E2F8: variants seen among roughly 807,000 people sequenced by gnomAD.
E2F8 encodes the protein E2F transcription factor 8, also known as transcription factor E2F8.
E2F8 carries 35 observed loss-of-function variants against 80.8 expected under a neutral mutation model. The observed-to-expected ratio is 0.43, with a 90% CI of 0.33 to 0.57. The LOEUF is 0.57. Among genes scored for constraint, E2F8 ranks in the 20% least tolerant of loss-of-function variants. The pLI is 0.04. For synonymous variants in E2F8, 386 were observed against 395.0 expected (o/e 0.98, Z 0.27); for missense variants, 975 against 1,056.2 (o/e 0.92, Z 1.07).
chr11:19,233,302 G>C (rs915109770), intron 6 of E2F8, among the ~76,000 whole-genome samples: 4 of 152,116 alleles, frequency 2.6e-5, no homozygotes, highest in African/African-American at 9.7e-5. Context: ...TCCCAATTTT[G>C]AGCAGGTAAT....
At chr11:19,230,072 C>T (rs1009173607) in intron 9 of E2F8, 84 bp from the exon 10 acceptor site, 37 of 1,557,886 alleles carry the variant, frequency 2.4e-5, no homozygotes, top group Non-Finnish European at 3.1e-5. Flanking sequence ...ATATTGAAGC[C>T]ACGCTTTTAT....
In E2F8 at chr11:19,224,808, T is replaced by C. The variant is rs1238638966; in HGVS notation, c.2454A>G (p.Leu818=). The change falls in exon 13 of 13, where the codon TTA becomes TTG. Residue 818 remains leucine, a synonymous_variant. Transcript: ENST00000250024. ...PVPVTPKGSQ[L]VAESFFRTPG... is the part of the protein sequence containing the mutation. ...GGGTACGGAAGAAACTTTCGGCCAC[T>C]AATTGTGACCCTTTGGGTGTCACAG... is the stretch of plus-strand genomic sequence containing the variant. The C allele has an allele frequency of 1.2e-6, 2 of 1,614,090 alleles. No homozygotes were observed. The highest frequency in any genetic ancestry group is 2.7e-5 in the African/African-American group (2 of 74,930).
intron 8 of E2F8, 23 bp from the exon 9 acceptor site, chr11:19,230,351 A>G: frequency 6.2e-7 from 1 of 1,603,966 alleles, no homozygotes; most frequent in Non-Finnish European, 8.5e-7. Context: ...AAAGGAAGAG[A>G]GCACCGGTCA....
rs1331134704 is a variant in E2F8 at position 19,224,822 on chromosome 11, T to C, written c.2440A>G (p.Lys814Glu). The C allele has an allele frequency of 6.2e-7, 1 of 1,614,200 alleles. No individual in the cohort carries two copies. Among genetic ancestry groups the C allele is most frequent in the African/African-American group, 1.3e-5 (1 of 75,048 alleles). ...CTTTCGGCCACTAATTGTGACCCTTTGGGTGTCACAGGAACAGGCTGATTG... is the reference window on the plus strand; with the variant it reads ...CTTTCGGCCACTAATTGTGACCCTTCGGGTGTCACAGGAACAGGCTGATTG... ...GAQQPVPVTP[K>E]GSQLVAESFF... The change falls in exon 13 of 13, where the codon AAA (lysine) becomes GAA (glutamate). Residue 814 changes from lysine (K) to glutamate (E), a missense_variant. Lys to Glu is a moderately conservative substitution (Grantham distance 56, BLOSUM62 1). Coordinates refer to ENST00000250024, the MANE Select transcript of E2F8 (RefSeq NM_024680.4).
Position 19,237,334 on chromosome 11 carries a change from T to C in E2F8, c.431A>G (p.Asp144Gly). ...CTTACTAAGTTCCTCTGCCACTTCG[T>C]CAAGGCAGATGTCATTATTCACAGC... ...NPAVNNDICL[D>G]EVAEELNVER... Residue 144 changes from aspartate (D) to glycine (G), a missense_variant, in exon 4 of 13, where the codon GAC (aspartate) becomes GGC (glycine). Transcript: ENST00000250024. 1 of 1,614,098 alleles carries C rather than the reference T, an allele frequency of 6.2e-7. No homozygotes were observed. Among genetic ancestry groups the C allele is most frequent in the Non-Finnish European group, 8.5e-7 (1 of 1,179,990 alleles).
chr11:19,228,855 G>A (rs369461773), intron 10 of E2F8, among the ~76,000 whole-genome samples: 23 of 152,126 alleles, frequency 1.5e-4, no homozygotes, highest in Middle Eastern at 6.8e-3. Context: ...AATTCCCTCC[G>A]GAACTAATCT....
Position 19,240,164 on chromosome 11 carries a change from C to A in E2F8, c.-43G>T, listed in dbSNP as rs1374086245. Reference sequence around the variant, plus strand: ...CATTTAGAGTTTAAAAATGAAAAATCTGGAGTTCCTCCCCAAATCCCGATG... The same window carrying A: ...CATTTAGAGTTTAAAAATGAAAAATATGGAGTTCCTCCCCAAATCCCGATG... On this transcript the variant is annotated 5_prime_UTR_variant, in exon 2 of 13. Transcript: ENST00000250024. 1.4e-6 allele frequency: 2 copies of A among 1,406,768 alleles called. No homozygotes were observed. Among genetic ancestry groups the A allele is most frequent in the Admixed American group, 2.3e-5 (1 of 43,818 alleles). 87.1% of individuals were successfully genotyped at this position (1,406,768 alleles called of 1,614,324 possible).
Position 19,232,290 on chromosome 11 carries a change from C to G in E2F8, c.1010G>C (p.Arg337Thr). ...CCATTTGAAAGCTGGTTTTCGGCCTCTTTCCTCTGTAACATGAACTTTCTT... is the reference window on the plus strand; with the variant it reads ...CCATTTGAAAGCTGGTTTTCGGCCTGTTTCCTCTGTAACATGAACTTTCTT... ...LIKKVHVTEE[R>T]GRKPAFKWTG... The change falls in exon 7 of 13, where the codon AGA (arginine) becomes ACA (threonine). Residue 337 changes from arginine to threonine, a missense_variant. Coordinates refer to ENST00000250024, the MANE Select transcript of E2F8 (RefSeq NM_024680.4). 1 of 1,614,204 alleles carries G rather than the reference C, an allele frequency of 6.2e-7. No individual in the cohort carries two copies. Among genetic ancestry groups the G allele is most frequent in the Non-Finnish European group, 8.5e-7 (1 of 1,180,028 alleles).
At chr11:19,233,497 C>CA (rs1554972396) in intron 6 of E2F8, among the ~76,000 whole-genome samples, 1 of 151,692 alleles carries the variant, frequency 6.6e-6, no homozygotes, top group Non-Finnish European at 1.5e-5. Flanking sequence ...CTAGTGTTTC[C>CA]TTTTTTTTGA....
chr11:19,235,146 T>A, intron 4 of E2F8, 88 bp from the exon 5 acceptor site: 1 of 1,209,648 alleles, frequency 8.3e-7, no homozygotes, highest in Non-Finnish European at 1.1e-6. Context: ...TATTAGTCAG[T>A]AGGTCTTGGA....
At chr11:19,240,389 C>T (rs1851627341) in intron 1 of E2F8, among the ~76,000 whole-genome samples, 159 bp from the exon 2 acceptor site, 1 of 152,188 alleles carries the variant, frequency 6.6e-6, no homozygotes, top group Non-Finnish European at 1.5e-5. Context: ...CCCCACTGAG[C>T]GGAGAACGCC....
At chr11:19,231,559 G>A (rs924166095) in intron 7 of E2F8, among the ~76,000 whole-genome samples, 3 of 152,142 alleles carry the variant, frequency 2.0e-5, no homozygotes, top group African/African-American at 7.2e-5. Context: ...ATTCTGGGTG[G>A]GGATCTTTGG....
Position 19,240,783 on chromosome 11 carries a change from CTT to C in E2F8, c.-347_-346del, listed in dbSNP as rs981305330. 1 of 151,690 alleles carries C rather than the reference CTT, an allele frequency of 6.6e-6. No individual in the cohort carries two copies. Among genetic ancestry groups the C allele is most frequent in the East Asian group, 1.9e-4 (1 of 5,182 alleles). 9.4% of individuals were successfully genotyped at this position (151,690 alleles called of 1,614,324 possible). A position where few individuals can be genotyped will look rare whatever the true frequency, so the allele number is the denominator to read the frequency against. The stretch of plus-strand genomic sequence containing the variant: ...CATTTAAAGAGTCTTATAATTAAGA[CTT>C]TTTTTTTAAATTTAAAAAAGGGCTT... On this transcript the variant is annotated 5_prime_UTR_variant, in exon 1 of 13. Coordinates refer to ENST00000250024, the MANE Select transcript of E2F8 (RefSeq NM_024680.4).
chr11:19,225,014 G>T, intron 12 of E2F8, 174 bp from the exon 13 acceptor site: 1 of 1,115,034 alleles, frequency 9.0e-7, no homozygotes, highest in Admixed American at 2.6e-5. Context: ...TTTTGTTAGG[G>T]GAGAGACAAA....
Position 19,232,263 on chromosome 11 carries a change from G to A in E2F8, c.1037C>T (p.Thr346Ile), listed in dbSNP as rs375880388. Residue 346 changes from threonine to isoleucine, a missense_variant, in exon 7 of 13, where the codon ACC becomes ATC. Thr to Ile is a moderately conservative substitution (Grantham distance 89, BLOSUM62 -1). Transcript: ENST00000250024. ...GGTATTTGGACTGATTTCTGGGCCG[G>A]TCCATTTGAAAGCTGGTTTTCGGCC... ...ERGRKPAFKW[T>I]GPEISPNTSG... 3.7e-6 allele frequency: 6 copies of A among 1,614,152 alleles called. No homozygotes were observed. The South Asian group carries it at 6.6e-5, about 18-fold the overall frequency.
At position 19,230,269 on chromosome 11, in the gene E2F8, A is replaced by G; in HGVS notation, c.1330T>C (p.Cys444Arg). ...PSKMAQLAAI[C>R]KMQLEEQSSE... ...GATTGCTCTTCTAACTGCATTTTAC[A>G]AATAGCTGCGAGCTGAGCCATTTTA... The change falls in exon 9 of 13, where the codon TGT becomes CGT. Residue 444 changes from cysteine (C) to arginine (R), a missense_variant. Transcript: ENST00000250024. 6.2e-7 allele frequency: 1 copy of G among 1,613,852 alleles called. No individual in the cohort carries two copies. The highest frequency in any genetic ancestry group is 1.1e-5 in the South Asian group (1 of 90,960).
intron 2 of E2F8, 75 bp from the exon 3 acceptor site, chr11:19,238,207 C>T (rs1284627376): frequency 1.4e-6 from 2 of 1,436,736 alleles, no homozygotes; most frequent in African/African-American, 1.4e-5. Flanking sequence ...CTAGAAATTG[C>T]ATAACGAATA....
chr11:19,233,479 A>G (rs1391456082), intron 6 of E2F8, among the ~76,000 whole-genome samples: 2 of 152,062 alleles, frequency 1.3e-5, no homozygotes, highest in Admixed American at 1.3e-4. Context: ...CACACAGAAC[A>G]GATTCTTCTA....
chr11:19,231,223 G>A (rs574831292), intron 7 of E2F8, among the ~76,000 whole-genome samples: 4 of 152,230 alleles, frequency 2.6e-5, no homozygotes, highest in African/African-American at 2.4e-5. Context: ...GCCCTGTGTC[G>A]GAGATGAGAG....
Sources: allele counts gnomAD v4.1 joint callset (sites outside exome capture counted in the v4.1 genomes callset), GRCh38; gene constraint gnomAD v4.1.1; transcripts MANE v1.5; gene names NCBI Gene and HGNC (gene_info 2026-07-23, HGNC 2026-07-21).